The following DNM3 variants were observed in gnomAD, a reference collection of about 807,000 sequenced individuals.
DNM3 encodes dynamin 3.
A neutral mutation model predicts 101.6 loss-of-function variants in DNM3; 47 were observed. The ratio of observed to expected loss-of-function variants is 0.46; its 90% CI spans 0.37 to 0.59. The LOEUF is 0.59. DNM3 is among the 20% of genes least tolerant of loss of function. The pLI, the probability that DNM3 is intolerant of heterozygous loss-of-function variation, is 0.00. For missense variants in DNM3, 849 were observed against 1,085.7 expected, an observed-to-expected ratio of 0.78 and a Z score of 3.06; for synonymous variants, 385 against 387.9, an observed-to-expected ratio of 0.99 and a Z score of 0.09.
intron 17 of DNM3, among the ~76,000 whole-genome samples, chr1:172,324,069 A>G (rs538647115): frequency 3.3e-5 from 5 of 152,328 alleles, no homozygotes; most frequent in East Asian, 3.9e-4. Context: ...TTAAATTTTA[A>G]TTCAACTTTT....
intron 15 of DNM3, among the ~76,000 whole-genome samples, chr1:172,303,019 T>C (rs2064549242): frequency 6.6e-6 from 1 of 152,110 alleles, no homozygotes; most frequent in Non-Finnish European, 1.5e-5. Context: ...TAAAGCTGGA[T>C]GGAGAATGAC....
chr1:172,089,089 CAT>C (rs1379920204), intron 12 of DNM3, among the ~76,000 whole-genome samples: 1 of 152,244 alleles, frequency 6.6e-6, no homozygotes, highest in African/African-American at 2.4e-5. Context: ...CACGCACACA[CAT>C]ATGAGAAGAT....
intron 10 of DNM3, among the ~76,000 whole-genome samples, 155 bp downstream of exon 10, chr1:172,048,905 G>T (rs1370357739): frequency 1.3e-5 from 2 of 152,174 alleles, no homozygotes; most frequent in African/African-American, 4.8e-5. Flanking sequence ...AGTGGGAATT[G>T]CTTTCATGAA....
intron 14 of DNM3, among the ~76,000 whole-genome samples, chr1:172,224,916 A>G (rs993866687): frequency 6.6e-6 from 1 of 152,096 alleles, no homozygotes; most frequent in Non-Finnish European, 1.5e-5. Context: ...GCATAACAAG[A>G]GAATCTCTAG....
In DNM3 at chr1:172,411,173, TG is replaced by T; in HGVS notation, c.*3333del. 6.1e-6 allele frequency: 6 copies of T among 985,268 alleles called. No individual in the cohort carries two copies. Among genetic ancestry groups the T allele is most frequent in the Non-Finnish European group, 6.0e-6 (5 of 829,786 alleles). The allele number at this position is 985,268 out of a possible 1,614,324, so 61.0% of individuals were successfully genotyped here. ...TGTGGTATCAGGATATTTTTTAAAC[TG>T]TGATAATACAACAGATAGCTTTGAA... On this transcript the variant is annotated 3_prime_UTR_variant, in exon 21 of 21. Transcript: ENST00000627582.
At chr1:172,133,134 G>T (rs2057030709) in intron 14 of DNM3, 1 of 1,397,118 alleles carries the variant, frequency 7.2e-7, no homozygotes, top group Admixed American at 3.1e-5. Flanking sequence ...AGACACTGAA[G>T]ACTCTGGAGT....
At chr1:172,389,390 AAGAT>A (rs1452932566) in intron 20 of DNM3, among the ~76,000 whole-genome samples, 18 of 152,264 alleles carry the variant, frequency 1.2e-4, no homozygotes, top group African/African-American at 4.3e-4. Flanking sequence ...AATCATATAT[AAGAT>A]AGATCATTGT....
intron 15 of DNM3, among the ~76,000 whole-genome samples, chr1:172,286,006 G>T (rs528952438): frequency 2.6e-4 from 39 of 151,852 alleles, no homozygotes; most frequent in Non-Finnish European, 4.4e-4. Context: ...ATAAGATGCT[G>T]CTTGCCTTGC....
chr1:172,144,402 G>A, intron 14 of DNM3: 1 of 228,482 alleles, frequency 4.4e-6, no homozygotes, highest in East Asian at 1.4e-4. Context: ...TCTCAGCAGT[G>A]TCCCCGAGGG....
chr1:172,158,659 G>A (rs1459209050), intron 14 of DNM3, among the ~76,000 whole-genome samples: 1 of 151,920 alleles, frequency 6.6e-6, no homozygotes, highest in African/African-American at 2.4e-5. Flanking sequence ...AAAATCTAAA[G>A]TCCAAATTTA....
intron 6 of DNM3, among the ~76,000 whole-genome samples, chr1:172,035,537 G>A (rs1382476119): frequency 1.3e-5 from 2 of 152,184 alleles, no homozygotes; most frequent in African/African-American, 4.8e-5. Flanking sequence ...AGAATGGATA[G>A]CAGAAAAATG....
intron 14 of DNM3, among the ~76,000 whole-genome samples, chr1:172,235,599 T>C (rs1300570421): frequency 6.6e-6 from 1 of 152,148 alleles, no homozygotes; most frequent in Non-Finnish European, 1.5e-5. Context: ...ACAACCAAAA[T>C]GTCCAACGAT....
At chr1:172,295,384 C>T (rs2064117580) in intron 15 of DNM3, among the ~76,000 whole-genome samples, 1 of 151,922 alleles carries the variant, frequency 6.6e-6, no homozygotes, top group Non-Finnish European at 1.5e-5. Flanking sequence ...AAACTGAATA[C>T]AATTAAAAGA....
chr1:172,169,756 CA>C (rs1168616593), intron 14 of DNM3, among the ~76,000 whole-genome samples: 1 of 151,806 alleles, frequency 6.6e-6, no homozygotes, highest in Non-Finnish European at 1.5e-5. Context: ...AATATTATTC[CA>C]TTTACTGGCT....
intron 17 of DNM3, among the ~76,000 whole-genome samples, chr1:172,371,777 C>A (rs991790): frequency 6.6e-6 from 1 of 151,654 alleles, no homozygotes; most frequent in Non-Finnish European, 1.5e-5. Flanking sequence ...CCACATTTCC[C>A]TCAAACCAAA....
At chr1:172,037,367 A>G (rs1376380253) in intron 6 of DNM3, among the ~76,000 whole-genome samples, 1 of 152,204 alleles carries the variant, frequency 6.6e-6, no homozygotes, top group Non-Finnish European at 1.5e-5. Flanking sequence ...ACTATTCACA[A>G]TAGCAAAGAC....
chr1:172,139,143 ATTTT>A, intron 14 of DNM3: 2 of 314,592 alleles, frequency 6.4e-6, no homozygotes, highest in African/African-American at 2.3e-5. Context: ...TCACATTAAA[ATTTT>A]AAGGAAAAAA....
At chr1:172,257,106 G>A (rs972592968) in intron 15 of DNM3, among the ~76,000 whole-genome samples, 3 of 152,012 alleles carry the variant, frequency 2.0e-5, no homozygotes, top group African/African-American at 7.2e-5. Flanking sequence ...CATGAGAGCT[G>A]ATTGGATTAT....
At chr1:172,158,847 G>A (rs1409585727) in intron 14 of DNM3, among the ~76,000 whole-genome samples, 1 of 152,010 alleles carries the variant, frequency 6.6e-6, no homozygotes, top group Non-Finnish European at 1.5e-5. Flanking sequence ...TCTACTATGT[G>A]AGCTACAGTT....
Sources: gnomAD v4.1 joint callset for allele counts (sites outside exome capture counted in the v4.1 genomes callset) on GRCh38, gnomAD v4.1.1 for gene constraint, MANE v1.5 for transcripts, NCBI Gene and HGNC (gene_info 2026-07-23, HGNC 2026-07-21) for gene names.